The following LRP5 variants were observed in gnomAD, a reference collection of about 807,000 sequenced individuals.
LRP5 encodes low-density lipoprotein receptor-related protein 5.
A neutral mutation model predicts 154.1 loss-of-function variants in LRP5; 62 were observed. The ratio of observed to expected loss-of-function variants is 0.40; its 90% CI spans 0.33 to 0.50. The LOEUF (loss-of-function observed/expected upper bound fraction) is 0.50, where lower values mean the gene tolerates loss of function less well. LRP5 is among the 20% of genes least tolerant of loss of function. The probability of loss-of-function intolerance (pLI) is 0.55; values close to 1 mark genes in which losing one functional copy is unlikely to be tolerated. For synonymous variants in LRP5, 966 were observed against 1,011.5 expected (o/e 0.96, Z 0.85); for missense variants, 1,915 against 2,336.7 (o/e 0.82, Z 3.72).
intron 5 of LRP5, among the ~76,000 whole-genome samples, chr11:68,370,872 G>A (rs1403435459): frequency 2.6e-5 from 4 of 152,230 alleles, no homozygotes; most frequent in African/African-American, 9.6e-5. Context: ...TCCAGATGCC[G>A]TGTGTAGGGT....
At position 68,436,983 on chromosome 11, in the gene LRP5, C is replaced by A. The variant is rs199576767; in HGVS notation, c.4095C>A (p.Ser1365=). ...CCTTCCCCGACTGTATCGACGGCTC[C>A]GACGAGCTCATGTGTGGTGAGCCAG... is the stretch of plus-strand genomic sequence containing the variant. ...CDSFPDCIDG[S]DELMCEITKP... is the part of the protein sequence containing the mutation. The change falls in exon 19 of 23, where the codon TCC becomes TCA. Residue 1365 remains serine (S), a synonymous_variant. Coordinates refer to ENST00000294304, the MANE Select transcript of LRP5 (RefSeq NM_002335.4). The A allele has an allele frequency of 6.2e-7, 1 of 1,613,418 alleles. No homozygotes were observed. The highest frequency in any genetic ancestry group is 1.7e-5 in the Admixed American group (1 of 59,998).
At chr11:68,363,700 C>G (rs761904868) in intron 3 of LRP5, 47 bp from the exon 4 acceptor site, 1 of 1,482,056 alleles carries the variant, frequency 6.7e-7, no homozygotes, top group Admixed American at 1.7e-5. Flanking sequence ...CAATGACTGT[C>G]GGGGGACCCT....
chr11:68,431,231 C>CTTTTTTTT (rs34840282), intron 17 of LRP5, among the ~76,000 whole-genome samples: 26 of 92,964 alleles, frequency 2.8e-4, no homozygotes, highest in African/African-American at 4.3e-4. Flanking sequence ...GCTGTGCACC[C>CTTTTTTTT]TTTTTTTTTT....
chr11:68,343,306 C>G (rs986470073), intron 1 of LRP5, among the ~76,000 whole-genome samples: 1 of 152,130 alleles, frequency 6.6e-6, no homozygotes, highest in Non-Finnish European at 1.5e-5. Context: ...ACTCTCGGGC[C>G]GGAGCTGGGT....
Position 68,406,587 on chromosome 11 carries a change from C to T in LRP5, c.1865C>T (p.Ala622Val). 6.2e-7 allele frequency: 1 copy of T among 1,614,218 alleles called. No homozygotes were observed. The highest frequency in any genetic ancestry group is 8.5e-7 in the Non-Finnish European group (1 of 1,180,030). The part of the protein sequence containing the change: ...CSHLCFFTPH[A>V]TRCGCPIGLE... ...CACCTGTGCTTCTTCACACCCCACG[C>T]AACCCGGTGTGGCTGCCCCATCGGC... The change falls in exon 9 of 23, where the codon GCA (alanine) becomes GTA (valine). Residue 622 changes from alanine to valine, a missense_variant. Coordinates refer to ENST00000294304, the MANE Select transcript of LRP5 (RefSeq NM_002335.4).
At chr11:68,342,418 C>G (rs1336433598) in intron 1 of LRP5, among the ~76,000 whole-genome samples, 1 of 152,136 alleles carries the variant, frequency 6.6e-6, no homozygotes, top group East Asian at 1.9e-4. Flanking sequence ...TCCACAGGCC[C>G]TGGTAGGGAG....
chr11:68,418,417 A>G (rs954779562), intron 13 of LRP5, among the ~76,000 whole-genome samples: 1 of 151,554 alleles, frequency 6.6e-6, no homozygotes, highest in Non-Finnish European at 1.5e-5. Flanking sequence ...AAAAAAACCT[A>G]CAGAGCCACA....
chr11:68,378,069 C>T (rs187116180), intron 5 of LRP5, among the ~76,000 whole-genome samples: 1 of 152,316 alleles, frequency 6.6e-6, no homozygotes, highest in East Asian at 1.9e-4. Context: ...ACTCTGTCTG[C>T]AGGGATGGCC....
chr11:68,343,155 C>T (rs534363722), intron 1 of LRP5, among the ~76,000 whole-genome samples: 3 of 152,310 alleles, frequency 2.0e-5, no homozygotes, highest in South Asian at 2.1e-4. Context: ...CTGGCAGGCC[C>T]GGTCCCCCAC....
At chr11:68,308,953 G>A (rs867096812), upstream of LRP5, among the ~76,000 whole-genome samples, 68 of 119,892 alleles carry the variant, frequency 5.7e-4, no homozygotes, top group Middle Eastern at 0.021. Flanking sequence ...TTTTTGAGAC[G>A]GAGTCTAACT....
Position 68,413,969 on chromosome 11 carries a change from C to T in LRP5, c.2784C>T (p.Cys928=), listed in dbSNP as rs369623848. 4.3e-5 allele frequency: 69 copies of T among 1,606,804 alleles called. No homozygotes were observed. The highest frequency in any genetic ancestry group is 1.2e-4 in the African/African-American group (9 of 74,932). Residue 928 remains cysteine, a synonymous_variant, in exon 12 of 23, where the codon TGC becomes TGT. Coordinates refer to ENST00000294304, the MANE Select transcript of LRP5 (RefSeq NM_002335.4). The surrounding 1 kb of genome is among the most constrained non-coding windows in gnomAD (Gnocchi z 5.1). ...TCCCCGGCGGCCACCGCTGCGGCTGCGCCTCACACTACACCCTGGACCCCA... is the reference window on the plus strand; with the variant it reads ...TCCCCGGCGGCCACCGCTGCGGCTGTGCCTCACACTACACCCTGGACCCCA... The part of the protein sequence containing the change: ...LAIPGGHRCG[C]ASHYTLDPSS...
intron 5 of LRP5, among the ~76,000 whole-genome samples, chr11:68,374,356 T>C (rs551674155): frequency 6.6e-6 from 1 of 152,100 alleles, no homozygotes; most frequent in South Asian, 2.1e-4. Flanking sequence ...AGAAAGGAGG[T>C]CCTGTGGGGC....
rs147666619 is a variant in LRP5 at position 68,367,806 on chromosome 11, G to A, written c.1015+2104G>A. On this transcript the variant is annotated intron_variant, in intron 5 of 22. Coordinates refer to ENST00000294304, the MANE Select transcript of LRP5 (RefSeq NM_002335.4). ...GGGCCGGGCGCAGTGGCTCACGCCT[G>A]TAATCCCAACAATTTGGGAGTCCAA... 5.5e-4 allele frequency among the ~76,000 whole-genome samples: 84 copies of A among 152,342 alleles called. 1 individual carries two copies. Among genetic ancestry groups the A allele is most frequent in the African/African-American group, 1.9e-3 (81 of 41,568 alleles).
At chr11:68,411,032 C>T (rs879535677) in intron 10 of LRP5, among the ~76,000 whole-genome samples, 7 of 152,128 alleles carry the variant, frequency 4.6e-5, no homozygotes, top group Non-Finnish European at 8.8e-5. Context: ...AGTTTACATC[C>T]GGATCCCGCA....
chr11:68,409,095 T>TATATATATATATATATATATACAC (rs1311618305), intron 9 of LRP5, among the ~76,000 whole-genome samples: 1 of 27,738 alleles, frequency 3.6e-5, no homozygotes. Flanking sequence ...TATATATATA[T>TATATATATATATATATATATACAC]ACACACACAT....
At chr11:68,373,948 G>A (rs972384325) in intron 5 of LRP5, among the ~76,000 whole-genome samples, 1 of 152,188 alleles carries the variant, frequency 6.6e-6, no homozygotes, top group African/African-American at 2.4e-5. Context: ...GGCCACACGT[G>A]CCCTGGCCGG....
At chr11:68,366,226 T>C (rs2098630998) in intron 5 of LRP5, among the ~76,000 whole-genome samples, 1 of 152,080 alleles carries the variant, frequency 6.6e-6, no homozygotes, top group Admixed American at 6.5e-5. Flanking sequence ...CTGGGACCAG[T>C]CCTCCCCGTT....
At position 68,390,151 on chromosome 11, in the gene LRP5, T is replaced by A. The variant is rs1054726306; in HGVS notation, c.1584+99T>A. The A allele has an allele frequency of 2.8e-6, 4 of 1,431,788 alleles. No homozygotes were observed. In the African/African-American group the frequency reaches 4.2e-5, roughly 15 times the overall value. 88.7% of individuals were successfully genotyped at this position (1,431,788 alleles called of 1,614,324 possible). Reference sequence around the variant, plus strand: ...GCGAGGCACCGATGGGTGCCTGTGCTCTGCTATTTGGCCACATGGAATGCT... The same window carrying A: ...GCGAGGCACCGATGGGTGCCTGTGCACTGCTATTTGGCCACATGGAATGCT... On this transcript the variant is annotated intron_variant, in intron 7 of 22. Coordinates refer to ENST00000294304, the MANE Select transcript of LRP5 (RefSeq NM_002335.4).
At chr11:68,345,445 G>A (rs980192026) in intron 1 of LRP5, among the ~76,000 whole-genome samples, 5 of 151,704 alleles carry the variant, frequency 3.3e-5, no homozygotes, top group Non-Finnish European at 7.4e-5. Flanking sequence ...CCGTCACTAC[G>A]CCCAGCTAAT....
Sources: gnomAD v4.1 joint callset for allele counts (sites outside exome capture counted in the v4.1 genomes callset) on GRCh38, gnomAD v4.1.1 for gene constraint, Gnocchi (gnomAD v3.1) non-coding constraint, MANE v1.5 for transcripts, NCBI Gene and HGNC (gene_info 2026-07-23, HGNC 2026-07-21) for gene names.